CD5: variants seen among roughly 807,000 people sequenced by gnomAD.
The protein encoded by CD5 is CD5 molecule, also known as T-cell surface glycoprotein CD5.
A neutral mutation model predicts 60.3 loss-of-function variants in CD5; 36 were observed. The ratio of observed to expected loss-of-function variants is 0.60; its 90% confidence interval spans 0.46 to 0.79. The LOEUF (loss-of-function observed/expected upper bound fraction) is 0.79, where lower values mean the gene tolerates loss of function less well. Ranked by LOEUF, CD5 falls within the 30% of genes least tolerant of loss-of-function variation. The pLI is 0.00. For missense variants in CD5, 540 were observed against 630.6 expected (o/e 0.86, Z 1.54); for synonymous variants, 230 against 257.6 (o/e 0.89, Z 1.03).
chr11:61,118,225 G>T lies in CD5; in HGVS notation c.145G>T (p.Glu49Ter). 1 of 1,614,222 alleles carries T rather than the reference G, an allele frequency of 6.2e-7. No individual in the cohort carries two copies. Among genetic ancestry groups the T allele is most frequent in the Non-Finnish European group, 8.5e-7 (1 of 1,180,032 alleles). ...CAACTCGAAGTGCCAGGGCCAGCTG[G>T]AGGTCTACCTCAAGGACGGATGGCA... ...RSNSKCQGQL[E>*]VYLKDGWHMV... The change falls in exon 3 of 11, where the codon GAG (glutamate) becomes TAG (stop). Residue 49 changes from glutamate to a stop codon, truncating the protein, a stop_gained. Coordinates refer to ENST00000347785, the MANE Select transcript of CD5 (RefSeq NM_014207.4). LOFTEE classifies it high-confidence loss of function. The surrounding 1 kb of genome is among the most constrained non-coding windows in gnomAD (Gnocchi z 4.7).
intron 1 of CD5, among the ~76,000 whole-genome samples, chr11:61,108,849 G>A (rs1311753073): frequency 6.6e-6 from 1 of 152,242 alleles, no homozygotes; most frequent in Admixed American, 6.5e-5. Context: ...GCTCTAGAAA[G>A]AAATGGGGTC....
upstream of CD5, among the ~76,000 whole-genome samples, chr11:61,100,412 T>C (rs1326707499): frequency 1.6e-5 from 1 of 62,564 alleles, no homozygotes; most frequent in Admixed American, 1.7e-4. Context: ...GAGATCACAT[T>C]CACACACATC....
At chr11:61,100,443 A>ACAT (rs1555009118), upstream of CD5, among the ~76,000 whole-genome samples, 59 of 146,214 alleles carry the variant, frequency 4.0e-4, 1 homozygote, top group African/African-American at 1.4e-3. Flanking sequence ...TCACACACAC[A>ACAT]CAACATGGAG....
intron 5 of CD5, among the ~76,000 whole-genome samples, chr11:61,120,854 C>G (rs997336340): frequency 1.3e-5 from 2 of 152,240 alleles, no homozygotes; most frequent in East Asian, 3.8e-4. Flanking sequence ...TTCCTGCAGG[C>G]TACAACCTGT....
chr11:61,123,382 C>A (rs1020762778), intron 7 of CD5, among the ~76,000 whole-genome samples: 4 of 152,124 alleles, frequency 2.6e-5, no homozygotes, highest in African/African-American at 9.7e-5. Context: ...CTAGCCCCAC[C>A]ACTTACCACT....
At chr11:61,105,290 G>C (rs1001512845) in intron 1 of CD5, among the ~76,000 whole-genome samples, 3 of 152,240 alleles carry the variant, frequency 2.0e-5, no homozygotes, top group Non-Finnish European at 4.4e-5. Flanking sequence ...TGGCCTAGCC[G>C]ATGCGACTCT....
intron 2 of CD5, among the ~76,000 whole-genome samples, chr11:61,115,922 G>A (rs975169865): frequency 2.0e-5 from 3 of 152,218 alleles, no homozygotes. Context: ...GCTGTGAAAT[G>A]GGAAGAAAAT....
At chr11:61,108,784 A>T (rs1366604702) in intron 1 of CD5, among the ~76,000 whole-genome samples, 1 of 152,184 alleles carries the variant, frequency 6.6e-6, no homozygotes, top group East Asian at 1.9e-4. Context: ...ACACTAAATC[A>T]GTCATAGGTG....
At chr11:61,101,117 TCA>T (rs746702102), upstream of CD5, among the ~76,000 whole-genome samples, 53 of 74,626 alleles carry the variant, frequency 7.1e-4, 6 homozygotes, top group Non-Finnish European at 1.1e-3. Flanking sequence ...AACATGGAGA[TCA>T]CACACACACA....
At chr11:61,094,848 G>T in the CD5 span, among the ~76,000 whole-genome samples, 21 of 152,160 alleles carry the variant, frequency 1.4e-4, no homozygotes, top group Non-Finnish European at 8.8e-5. Context: ...GCCAGCATTA[G>T]AGGTGGGTTG....
Position 61,119,570 on chromosome 11 carries a change from G to A in CD5, c.800G>A (p.Cys267Tyr). ...AGTGGCCGAGTTCTTGCCCTCCTTT[G>A]CTCAGGTAAGTGAGACCTGGCCAAG... Reference protein sequence around the residue: ...QKSGRVLALLCSGFQPKVQSR... With the variant: ...QKSGRVLALLYSGFQPKVQSR... The change falls in exon 5 of 11, where the codon TGC becomes TAC. Residue 267 changes from cysteine to tyrosine, a missense_variant. By Grantham distance (194) the Cys-to-Tyr change is radical (BLOSUM62 -2). Coordinates refer to ENST00000347785, the MANE Select transcript of CD5 (RefSeq NM_014207.4). 6.2e-7 allele frequency: 1 copy of A among 1,606,178 alleles called. No homozygotes were observed. Among genetic ancestry groups the A allele is most frequent in the South Asian group, 1.1e-5 (1 of 90,240 alleles).
rs766117426 is a variant in CD5 at position 61,118,255 on chromosome 11, G to C, written c.175G>C (p.Val59Leu). 1.9e-6 allele frequency: 3 copies of C among 1,614,238 alleles called. No homozygotes were observed. The South Asian group carries it at 3.3e-5, about 18-fold the overall frequency. Residue 59 changes from valine to leucine, a missense_variant, in exon 3 of 11, where the codon GTT becomes CTT. Physicochemically the swap from Val to Leu is conservative, Grantham distance 32. Transcript: ENST00000347785. The surrounding 1 kb of genome is among the most constrained non-coding windows in gnomAD (Gnocchi z 4.7). ...CTACCTCAAGGACGGATGGCACATG[G>C]TTTGCAGCCAGAGCTGGGGCCGGAG... ...EVYLKDGWHM[V>L]CSQSWGRSSK... is the part of the protein sequence containing the mutation.
chr11:61,119,149 C>T, intron 4 of CD5, 85 bp from the exon 5 acceptor site: 1 of 1,361,850 alleles, frequency 7.3e-7, no homozygotes. Context: ...AGTAGTTGTC[C>T]ACAAGTTGGG....
chr11:61,111,210 C>G (rs1383878801), intron 1 of CD5, among the ~76,000 whole-genome samples: 1 of 152,024 alleles, frequency 6.6e-6, no homozygotes, highest in Non-Finnish European at 1.5e-5. Context: ...CAGGTCAGAC[C>G]CAGGTGGTGT....
At chr11:61,100,806 C>A (rs532661912), upstream of CD5, among the ~76,000 whole-genome samples, 8 of 142,244 alleles carry the variant, frequency 5.6e-5, no homozygotes, top group South Asian at 2.0e-3. Flanking sequence ...AGATCACACA[C>A]ACACATCAAC....
At chr11:61,116,738 A>G (rs1471085745) in intron 2 of CD5, among the ~76,000 whole-genome samples, 2 of 103,942 alleles carry the variant, frequency 1.9e-5, no homozygotes, top group African/African-American at 7.6e-5. Flanking sequence ...CCACACACAC[A>G]CCACATACAC....
intron 1 of CD5, among the ~76,000 whole-genome samples, chr11:61,110,675 A>G (rs1860841542): frequency 6.6e-6 from 1 of 152,256 alleles, no homozygotes; most frequent in African/African-American, 2.4e-5. Context: ...CCAGGCGGCT[A>G]GGTTTGAGTT....
intron 1 of CD5, among the ~76,000 whole-genome samples, chr11:61,108,684 G>GTCC (rs1432177044): frequency 6.6e-6 from 1 of 152,190 alleles, no homozygotes; most frequent in Non-Finnish European, 1.5e-5. Flanking sequence ...GTATTTCATG[G>GTCC]ACATCGATGG....
At chr11:61,099,656 A>T (rs536757992), upstream of CD5, among the ~76,000 whole-genome samples, 5 of 151,992 alleles carry the variant, frequency 3.3e-5, no homozygotes, top group East Asian at 9.6e-4. Flanking sequence ...CATGGAGATC[A>T]CAAACACACA....
Sources: allele counts gnomAD v4.1 joint callset (sites outside exome capture counted in the v4.1 genomes callset), GRCh38; gene constraint gnomAD v4.1.1; non-coding constraint Gnocchi (gnomAD v3.1); transcripts MANE v1.5; gene names NCBI Gene and HGNC (gene_info 2026-07-23, HGNC 2026-07-21).